PLCB4: variants seen among roughly 807,000 people sequenced by gnomAD.
PLCB4 encodes phospholipase C beta 4.
A neutral mutation model predicts 178.8 loss-of-function variants in PLCB4; 77 were observed. The ratio of observed to expected loss-of-function variants is 0.43; its 90% CI spans 0.36 to 0.52. The LOEUF is 0.52. Ranked by LOEUF, PLCB4 falls within the 20% of genes least tolerant of loss-of-function variation. The pLI is 0.00. For synonymous variants in PLCB4, 496 were observed against 490.8 expected (o/e 1.01, Z -0.14); for missense variants, 1,024 against 1,453.4 (o/e 0.70, Z 4.80).
intron 2 of PLCB4, among the ~76,000 whole-genome samples, chr20:9,201,123 G>A (rs2093539070): frequency 6.6e-6 from 1 of 152,068 alleles, no homozygotes; most frequent in Non-Finnish European, 1.5e-5. Context: ...TTTAAAAATG[G>A]AAATCTTCCT....
At chr20:9,446,599 C>T (rs139302979) in intron 32 of PLCB4, among the ~76,000 whole-genome samples, 44 of 152,258 alleles carry the variant, frequency 2.9e-4, no homozygotes, top group African/African-American at 1.0e-3. Flanking sequence ...TGTCTTTAGG[C>T]GAGACATGGT....
rs113953287 is a variant in PLCB4, at chr20:9,148,887, G to A, written c.-79+52545G>A. On this transcript the variant is annotated intron_variant, in intron 2 of 39. Transcript: ENST00000378473. ...TTTTAGACATCAGTTATTGAACTGT[G>A]CAGTAATATAGAAACATGCCTTGTA... Among the ~76,000 whole-genome samples the A allele has an allele frequency of 2.6e-4, 39 of 152,298 alleles. 1 individual carries two copies. Among genetic ancestry groups the A allele is most frequent in the African/African-American group, 8.9e-4 (37 of 41,578 alleles).
chr20:9,378,452 C>T (rs2036859217), intron 12 of PLCB4, among the ~76,000 whole-genome samples: 1 of 152,020 alleles, frequency 6.6e-6, no homozygotes, highest in South Asian at 2.1e-4. Context: ...GTTTTTAAAA[C>T]AATGCATTCT....
chr20:9,241,749 G>A (rs565268418), intron 3 of PLCB4, among the ~76,000 whole-genome samples: 1 of 152,316 alleles, frequency 6.6e-6, no homozygotes, highest in Non-Finnish European at 1.5e-5. Context: ...TGGAGCTGAA[G>A]CATGACCAGA....
At chr20:9,456,708 G>A (rs1263296402) in intron 33 of PLCB4, among the ~76,000 whole-genome samples, 3 of 152,170 alleles carry the variant, frequency 2.0e-5, no homozygotes, top group African/African-American at 7.2e-5. Flanking sequence ...TAGATTTGAT[G>A]CGAGACCTTG....
chr20:9,387,731 T>G (rs2037795564), intron 15 of PLCB4, among the ~76,000 whole-genome samples, 175 bp downstream of exon 15: 1 of 152,246 alleles, frequency 6.6e-6, no homozygotes, highest in Non-Finnish European at 1.5e-5. Context: ...GAACGTCCCC[T>G]TCATGATACT....
chr20:9,096,831 A>C (rs1463966916), intron 2 of PLCB4, among the ~76,000 whole-genome samples: 4 of 152,138 alleles, frequency 2.6e-5, no homozygotes, highest in African/African-American at 9.7e-5. Flanking sequence ...GGTTGGGGGC[A>C]TTCTTGGGTG....
chr20:9,317,490 A>G (rs1008105888), intron 4 of PLCB4, among the ~76,000 whole-genome samples: 5 of 152,072 alleles, frequency 3.3e-5, no homozygotes, highest in African/African-American at 1.2e-4. Flanking sequence ...AGATAACTCT[A>G]TTTCCTGGAG....
rs1251972234 is a variant in PLCB4, at chr20:9,144,784, G to T, written c.-79+48442G>T. 2.7e-5 allele frequency among the ~76,000 whole-genome samples: 4 copies of T among 146,176 alleles called. No individual in the cohort carries two copies. The South Asian group carries it at 9.4e-4, about 34-fold the overall frequency. The stretch of plus-strand genomic sequence containing the variant: ...GGAAGGAGGGGAATGAGGGGGAGGA[G>T]GGGTAGGAGGAGAAGGAGAAGGAAG... On this transcript the variant is annotated intron_variant, in intron 2 of 39. Transcript: ENST00000378473.
At chr20:9,380,271 A>G (rs1179624104) in intron 13 of PLCB4, 109 bp downstream of exon 13, 5 of 560,048 alleles carry the variant, frequency 8.9e-6, no homozygotes, top group African/African-American at 1.9e-5. Flanking sequence ...TCCCTGAGCC[A>G]TGGATTGATG....
intron 25 of PLCB4, among the ~76,000 whole-genome samples, chr20:9,418,159 A>G (rs137881610): frequency 6.6e-6 from 1 of 152,262 alleles, no homozygotes; most frequent in East Asian, 1.9e-4. Context: ...TTGAAGCATA[A>G]AAGTTTTCAA....
At chr20:9,106,888 A>T (rs963738244) in intron 2 of PLCB4, among the ~76,000 whole-genome samples, 1 of 152,228 alleles carries the variant, frequency 6.6e-6, no homozygotes, top group African/African-American at 2.4e-5. Context: ...GAAAAAGATG[A>T]AACCTAAATA....
chr20:9,119,463 G>T (rs2091888639), intron 2 of PLCB4, among the ~76,000 whole-genome samples: 1 of 147,992 alleles, frequency 6.8e-6, no homozygotes, highest in Admixed American at 6.8e-5. Context: ...ATCACAAATA[G>T]TTTAATAGCT....
chr20:9,365,923 G>C (rs1239894673), intron 9 of PLCB4, among the ~76,000 whole-genome samples: 3 of 152,154 alleles, frequency 2.0e-5, no homozygotes, highest in Non-Finnish European at 4.4e-5. Context: ...TGATGCCTCT[G>C]AACAGAGCAT....
chr20:9,408,267 G>A (rs1287367016), intron 22 of PLCB4, among the ~76,000 whole-genome samples: 1 of 152,200 alleles, frequency 6.6e-6, no homozygotes, highest in Non-Finnish European at 1.5e-5. Flanking sequence ...AGGTGGCGAT[G>A]AGAGACTATG....
At chr20:9,212,163 G>C (rs2093679912) in intron 2 of PLCB4, among the ~76,000 whole-genome samples, 9 of 152,148 alleles carry the variant, frequency 5.9e-5, no homozygotes, top group Admixed American at 5.2e-4. Context: ...CTGCCTTCTT[G>C]CTTCTCTTGC....
At chr20:9,474,649 A>G (rs544116243) in intron 38 of PLCB4, among the ~76,000 whole-genome samples, 1 of 152,098 alleles carries the variant, frequency 6.6e-6, no homozygotes, top group African/African-American at 2.4e-5. Flanking sequence ...AGTAGGAATT[A>G]TACTAAAAAG....
At position 9,435,552 on chromosome 20, in the gene PLCB4, T is replaced by C. The variant is rs185755472; in HGVS notation, c.2525-8T>C. Reference sequence around the variant, plus strand: ...ATTAACGGCTCATTGGGTTTTTTTTTCCCCTAGATATCGTGGATGCTTTAT... The same window carrying C: ...ATTAACGGCTCATTGGGTTTTTTTTCCCCCTAGATATCGTGGATGCTTTAT... On this transcript the variant is annotated splice_polypyrimidine_tract_variant and splice_region_variant and intron_variant, in intron 28 of 39. Coordinates refer to ENST00000378473, the MANE Select transcript of PLCB4 (RefSeq NM_001377142.1). The C allele has an allele frequency of 1.7e-4, 270 of 1,543,106 alleles. 1 individual carries two copies. The highest frequency in any genetic ancestry group is 1.2e-3 in the Middle Eastern group (7 of 5,884).
At chr20:9,193,511 C>A (rs1365787627) in intron 2 of PLCB4, among the ~76,000 whole-genome samples, 1 of 152,156 alleles carries the variant, frequency 6.6e-6, no homozygotes, top group African/African-American at 2.4e-5. Flanking sequence ...CAAAGAATCA[C>A]AGCATTTGTA....
Sources: gnomAD v4.1 joint callset for allele counts (sites outside exome capture counted in the v4.1 genomes callset) on GRCh38, gnomAD v4.1.1 for gene constraint, MANE v1.5 for transcripts, NCBI Gene and HGNC (gene_info 2026-07-23, HGNC 2026-07-21) for gene names.